The following KNDC1 variants were observed in gnomAD, a reference collection of about 807,000 sequenced individuals.
KNDC1 encodes kinase non-catalytic C-lobe domain-containing protein 1.
A neutral mutation model predicts 172.8 loss-of-function variants in KNDC1; 106 were observed. The ratio of observed to expected loss-of-function variants is 0.61; its 90% CI spans 0.52 to 0.72. The LOEUF is 0.72. Ranked by LOEUF, KNDC1 falls within the 30% of genes least tolerant of loss-of-function variation. The pLI is 0.00. For missense variants in KNDC1, 2,325 were observed against 2,394.5 expected (o/e 0.97, Z 0.61); for synonymous variants, 1,083 against 1,062.2 (o/e 1.02, Z -0.38).
chr10:133,174,204 C>G (rs929107546), intron 3 of KNDC1: 1 of 152,280 alleles, frequency 6.6e-6, no homozygotes, highest in Admixed American at 6.5e-5. Flanking sequence ...GAATGGGGCC[C>G]CAAGGCTCTT....
Position 133,218,903 on chromosome 10 carries a change from G to A in KNDC1, c.4750G>A (p.Ala1584Thr), listed in dbSNP as rs1287068207. Residue 1584 changes from alanine to threonine, a missense_variant, in exon 27 of 30, where the codon GCC becomes ACC. By Grantham distance (58) the Ala-to-Thr change is moderately conservative. Transcript: ENST00000304613. ...CTATGAGCAGAGAAACTTCGCGACA[G>A]CCATGCAGATCCTGAGCGGGCTGGA... is the stretch of plus-strand genomic sequence containing the variant. ...SCYEQRNFATAMQILSGLEHL... is the reference protein window; with the variant it reads ...SCYEQRNFATTMQILSGLEHL... 3.1e-6 allele frequency: 5 copies of A among 1,613,820 alleles called. No homozygotes were observed. The highest frequency in any genetic ancestry group is 2.7e-5 in the African/African-American group (2 of 74,960).
Position 133,201,728 on chromosome 10 carries a change from A to G in KNDC1, c.3217A>G (p.Lys1073Glu). Residue 1073 changes from lysine to glutamate, a missense_variant, in exon 17 of 30, where the codon AAA becomes GAA. By Grantham distance (56) the Lys-to-Glu change is moderately conservative. Transcript: ENST00000304613. ...VEAVTRLARS[K>E]GVGPALSPGP... ...GGCAGTGACCCGACTGGCCAGGTCCAAAGGGGTCGGCCCAGCCTTGTCCCC... is the reference window on the plus strand; with the variant it reads ...GGCAGTGACCCGACTGGCCAGGTCCGAAGGGGTCGGCCCAGCCTTGTCCCC... The G allele has an allele frequency of 1.2e-6, 2 of 1,604,606 alleles. No individual in the cohort carries two copies. The highest frequency in any genetic ancestry group is 1.3e-5 in the African/African-American group (1 of 74,904).
At chr10:133,181,834 C>CCACACACACACACACACA (rs369062586) in intron 3 of KNDC1, among the ~76,000 whole-genome samples, 2,643 of 138,838 alleles carry the variant, frequency 0.019, 91 homozygotes, top group African/African-American at 0.06. Flanking sequence ...CCAGGACCGT[C>CCACACACACACACACACA]CACACACACA....
intron 29 of KNDC1, among the ~76,000 whole-genome samples, chr10:133,221,694 A>G (rs1480569913): frequency 6.6e-6 from 1 of 152,270 alleles, no homozygotes; most frequent in Non-Finnish European, 1.5e-5. Context: ...TTAGATAGCC[A>G]CCAATTTAAA....
rs749674792 is a variant in KNDC1, at chr10:133,224,636, G to A, written c.5019-23G>A. On this transcript the variant is annotated intron_variant, in intron 29 of 29. Transcript: ENST00000304613. This position sits in a 1 kb window ranked among gnomAD's most constrained non-coding sequence, Gnocchi z 5.4. ...GCGCCCCTGCCCTGTGCAAACTAAC[G>A]TCTCTTCTTTCCTCAACGGAAGGAA... 3.4e-5 allele frequency: 54 copies of A among 1,603,264 alleles called. No individual in the cohort carries two copies. The highest frequency in any genetic ancestry group is 1.3e-4 in the South Asian group (12 of 90,878).
chr10:133,186,940 G>A (rs368102391), intron 6 of KNDC1, among the ~76,000 whole-genome samples: 2 of 152,078 alleles, frequency 1.3e-5, no homozygotes, highest in East Asian at 1.9e-4. Flanking sequence ...AGCCCTGCCC[G>A]GCTCCTCACA....
At chr10:133,167,252 C>T in intron 1 of KNDC1, 129 bp from the exon 2 acceptor site, 2 of 813,764 alleles carry the variant, frequency 2.5e-6, no homozygotes, top group East Asian at 2.7e-5. Flanking sequence ...TGGTCTAAAG[C>T]CCTTTCCCTG....
Position 133,198,855 on chromosome 10 carries a change from C to A in KNDC1, c.2347C>A (p.Pro783Thr). The change falls in exon 14 of 30, where the codon CCC becomes ACC. Residue 783 changes from proline (P) to threonine (T), a missense_variant. Pro to Thr is a conservative substitution (Grantham distance 38, BLOSUM62 -1). Coordinates refer to ENST00000304613, the MANE Select transcript of KNDC1 (RefSeq NM_152643.8). ...ATCGGCAGCTCCCGGCTCTCCAGTC[C>A]CCGCCCCGCCCACGAAGGCATCTGC... Reference protein sequence around the residue: ...ASSAAPGSPVPAPPTKASALP... With the variant: ...ASSAAPGSPVTAPPTKASALP... 3.1e-6 allele frequency: 5 copies of A among 1,598,776 alleles called. No homozygotes were observed. Among genetic ancestry groups the A allele is most frequent in the Non-Finnish European group, 4.3e-6 (5 of 1,175,834 alleles).
At chr10:133,195,226 G>A (rs890064256) in intron 9 of KNDC1, among the ~76,000 whole-genome samples, 9 of 152,208 alleles carry the variant, frequency 5.9e-5, no homozygotes, top group East Asian at 1.9e-4. Flanking sequence ...CGGTGTGTTC[G>A]CTCGGAGAGC....
intron 3 of KNDC1, among the ~76,000 whole-genome samples, chr10:133,182,378 A>G (rs1260450253): frequency 1.3e-5 from 2 of 152,150 alleles, no homozygotes; most frequent in Non-Finnish European, 2.9e-5. Context: ...GTGCGTGTCC[A>G]CTCAGCCAGC....
At chr10:133,217,415 G>T (rs1189174016) in intron 26 of KNDC1, among the ~76,000 whole-genome samples, 2 of 152,252 alleles carry the variant, frequency 1.3e-5, no homozygotes, top group African/African-American at 4.8e-5. Flanking sequence ...CTGCACAGGG[G>T]CCCTGCAGAC....
intron 3 of KNDC1, among the ~76,000 whole-genome samples, chr10:133,182,842 G>A (rs982390767): frequency 2.0e-5 from 3 of 152,194 alleles, no homozygotes; most frequent in African/African-American, 7.2e-5. Flanking sequence ...CGGGCAGTGT[G>A]GGCGCAGGTG....
chr10:133,177,946 C>T (rs371185649), intron 3 of KNDC1, among the ~76,000 whole-genome samples: 7 of 140,384 alleles, frequency 5.0e-5, no homozygotes, highest in Non-Finnish European at 9.1e-5. Context: ...GTCACGGACA[C>T]GTGTAGCATG....
At position 133,198,767 on chromosome 10, in the gene KNDC1, C is replaced by T; in HGVS notation, c.2259C>T (p.Asp753=). 1.9e-6 allele frequency: 3 copies of T among 1,587,824 alleles called. No individual in the cohort carries two copies. The South Asian group carries it at 3.4e-5, about 18-fold the overall frequency. ...CTCTTGGGGCGTCAGTGCAGCGTGA[C>T]TCAGCCCAGGGCCGCCCCTGCCCTC... The part of the protein sequence containing the change: ...PEPLGASVQR[D]SAQGRPCPPP... Residue 753 remains aspartate (D), a synonymous_variant, in exon 14 of 30, where the codon GAC becomes GAT. Coordinates refer to ENST00000304613, the MANE Select transcript of KNDC1 (RefSeq NM_152643.8).
chr10:133,175,168 A>C (rs1462177696), intron 3 of KNDC1, among the ~76,000 whole-genome samples: 3 of 122,494 alleles, frequency 2.4e-5, no homozygotes, highest in African/African-American at 1.0e-4. Flanking sequence ...TAGATGGTGG[A>C]TATGTGGATG....
At chr10:133,217,447 GCGCGGTGGCTCA>G (rs1266979279) in intron 26 of KNDC1, among the ~76,000 whole-genome samples, 1 of 152,274 alleles carries the variant, frequency 6.6e-6, no homozygotes, top group Non-Finnish European at 1.5e-5. Flanking sequence ...CCGGGGGCAG[GCGCGGTGGCTCA>G]CGCCTCTAAT....
intron 3 of KNDC1, among the ~76,000 whole-genome samples, chr10:133,182,742 C>T (rs9794136): frequency 1.3e-5 from 2 of 152,270 alleles, no homozygotes; most frequent in Admixed American, 1.3e-4. Context: ...CACTGAAAGG[C>T]CAGAGGAGTC....
intron 1 of KNDC1, among the ~76,000 whole-genome samples, chr10:133,162,654 G>C (rs1206166449): frequency 6.6e-6 from 1 of 152,242 alleles, no homozygotes; most frequent in African/African-American, 2.4e-5. Flanking sequence ...ACACCCCCAC[G>C]AATGCCTTCC....
chr10:133,222,446 CGTGTGT>C (rs72179908), intron 29 of KNDC1, among the ~76,000 whole-genome samples: 12 of 43,164 alleles, frequency 2.8e-4, no homozygotes, highest in East Asian at 1.7e-3. Flanking sequence ...CTCTTCCCGG[CGTGTGT>C]GTGTGTGTGT....
Sources: allele counts gnomAD v4.1 joint callset (sites outside exome capture counted in the v4.1 genomes callset), GRCh38; gene constraint gnomAD v4.1.1; non-coding constraint Gnocchi (gnomAD v3.1); transcripts MANE v1.5; gene names NCBI Gene and HGNC (gene_info 2026-07-23, HGNC 2026-07-21).